Variants in NCOA3 observed in about 807,000 individuals in gnomAD.
NCOA3 encodes the protein CBP-interacting protein.
A neutral mutation model predicts 158.8 loss-of-function variants in NCOA3; 51 were observed. The observed-to-expected ratio is 0.32, with a 90% CI of 0.26 to 0.41. The LOEUF is 0.41. Among genes scored for constraint, NCOA3 ranks in the 10% least tolerant of loss-of-function variants. The pLI is 1.00. For missense variants in NCOA3, 1,510 were observed against 1,746.6 expected (o/e 0.86, Z 2.41); for synonymous variants, 537 against 592.4 (o/e 0.91, Z 1.36).
At chr20:47,567,235 A>G (rs1401564151) in intron 1 of NCOA3, among the ~76,000 whole-genome samples, 1 of 151,818 alleles carries the variant, frequency 6.6e-6, no homozygotes, top group Non-Finnish European at 1.5e-5. Flanking sequence ...TTTAGTAGAG[A>G]TGGAGTTTCG....
intron 2 of NCOA3, among the ~76,000 whole-genome samples, chr20:47,620,138 A>G (rs951895582): frequency 1.3e-5 from 2 of 152,012 alleles, no homozygotes; most frequent in East Asian, 3.9e-4. Context: ...TAAGAGACAG[A>G]GTCTCACTCG....
chr20:47,631,781 C>T (rs1030936329), intron 8 of NCOA3, among the ~76,000 whole-genome samples: 1 of 152,130 alleles, frequency 6.6e-6, no homozygotes, highest in Non-Finnish European at 1.5e-5. Flanking sequence ...TATTTTTTCC[C>T]TTTACACGAA....
chr20:47,642,659 C>T (rs1208380035), intron 17 of NCOA3, among the ~76,000 whole-genome samples: 1 of 152,194 alleles, frequency 6.6e-6, no homozygotes, highest in East Asian at 1.9e-4. Context: ...AGCTACTGTA[C>T]TGTTCTTAAA....
rs1317385347 is a variant in NCOA3 at position 47,515,475 on chromosome 20, T to TC, written c.-99+13456_-99+13457insC. Reference sequence around the variant, plus strand: ...CACCCGAGCTTTTTCTTTCTTTCTTTTTTTTTTTTTTTTTTCTTTTTTTTA... The same window carrying TC: ...CACCCGAGCTTTTTCTTTCTTTCTTTCTTTTTTTTTTTTTTTCTTTTTTTTA... On this transcript the variant is annotated intron_variant, in intron 1 of 22. Transcript: ENST00000371998. Among the ~76,000 whole-genome samples, 499 of 149,760 alleles carry TC rather than the reference T, an allele frequency of 3.3e-3. 6 individuals carry two copies. The highest frequency in any genetic ancestry group is 0.012 in the African/African-American group (475 of 40,994).
intron 1 of NCOA3, among the ~76,000 whole-genome samples, chr20:47,525,675 A>C (rs1233660680): frequency 3.9e-4 from 27 of 69,424 alleles, no homozygotes; most frequent in Admixed American, 6.2e-4. Flanking sequence ...GACCCCCCCC[A>C]CCTCCCTCCC....
At chr20:47,607,519 A>C (rs2146270590) in intron 2 of NCOA3, among the ~76,000 whole-genome samples, 1 of 152,260 alleles carries the variant, frequency 6.6e-6, no homozygotes, top group South Asian at 2.1e-4. Flanking sequence ...GATGATATTT[A>C]AGTCTGAATT....
rs115928357 is a variant in NCOA3 at position 47,507,559 on chromosome 20, T to C, written c.-99+5540T>C. Among the ~76,000 whole-genome samples the C allele has an allele frequency of 9.4e-4, 143 of 152,280 alleles. 1 individual carries two copies. The highest frequency in any genetic ancestry group is 3.3e-3 in the African/African-American group (138 of 41,570). On this transcript the variant is annotated intron_variant, in intron 1 of 22. Coordinates refer to ENST00000371998, the MANE Select transcript of NCOA3 (RefSeq NM_181659.3). ...TTAATTTTTTCTGTCCCCAACAACATGTATATATATTTTTAAATTTAACCC... is the reference window on the plus strand; with the variant it reads ...TTAATTTTTTCTGTCCCCAACAACACGTATATATATTTTTAAATTTAACCC...
intron 20 of NCOA3, among the ~76,000 whole-genome samples, 189 bp from the exon 21 acceptor site, chr20:47,652,217 C>G (rs1278278174): frequency 3.3e-5 from 5 of 152,012 alleles, no homozygotes; most frequent in Non-Finnish European, 4.4e-5. Flanking sequence ...GCCTGTTACT[C>G]TAGTCGTCAT....
intron 19 of NCOA3, among the ~76,000 whole-genome samples, chr20:47,649,792 G>C (rs1359184612): frequency 6.6e-6 from 1 of 152,104 alleles, no homozygotes; most frequent in Non-Finnish European, 1.5e-5. Flanking sequence ...TGTGGAAGCT[G>C]AGCTAGAATG....
At chr20:47,625,203 A>G (rs2146302754) in intron 4 of NCOA3, among the ~76,000 whole-genome samples, 178 bp from the exon 5 acceptor site, 1 of 152,314 alleles carries the variant, frequency 6.6e-6, no homozygotes, top group Middle Eastern at 3.4e-3. Context: ...CTGGGCAACT[A>G]TGAAGTTTAG....
intron 1 of NCOA3, among the ~76,000 whole-genome samples, chr20:47,572,535 C>A (rs531304629): frequency 3.3e-5 from 5 of 151,678 alleles, no homozygotes; most frequent in Non-Finnish European, 5.9e-5. Flanking sequence ...TCTAGCCCCC[C>A]CCACCTGCCT....
intron 1 of NCOA3, among the ~76,000 whole-genome samples, chr20:47,564,446 A>G (rs1199026170): frequency 3.3e-5 from 5 of 152,168 alleles, no homozygotes; most frequent in African/African-American, 9.7e-5. Flanking sequence ...TACTGGGGAT[A>G]TATTCAACAA....
intron 1 of NCOA3, among the ~76,000 whole-genome samples, chr20:47,538,256 GTTGAC>G (rs1316464958): frequency 6.6e-6 from 1 of 152,186 alleles, no homozygotes; most frequent in Non-Finnish European, 1.5e-5. Context: ...ATGATCTTTA[GTTGAC>G]TTGACACAAG....
At chr20:47,540,463 T>C (rs1235969508) in intron 1 of NCOA3, among the ~76,000 whole-genome samples, 2 of 151,724 alleles carry the variant, frequency 1.3e-5, no homozygotes, top group Admixed American at 6.6e-5. Flanking sequence ...ATCCGGCTAC[T>C]TGAGAGGCTG....
chr20:47,535,562 C>T (rs1257094761), intron 1 of NCOA3, among the ~76,000 whole-genome samples: 2 of 151,382 alleles, frequency 1.3e-5, no homozygotes, highest in African/African-American at 4.9e-5. Context: ...GGCTGGGGTG[C>T]AGTGGCGCAA....
At chr20:47,622,124 A>G in intron 2 of NCOA3, 105 bp from the exon 3 acceptor site, 1 of 593,364 alleles carries the variant, frequency 1.7e-6, no homozygotes, top group Non-Finnish European at 3.0e-6. Context: ...GTTTAGAGAA[A>G]GTAGTTCTGA....
chr20:47,599,587 T>A (rs2085823920), intron 2 of NCOA3, among the ~76,000 whole-genome samples: 1 of 152,220 alleles, frequency 6.6e-6, no homozygotes, highest in African/African-American at 2.4e-5. Context: ...TATGCAAAAC[T>A]GCTAAGAACA....
At chr20:47,550,327 T>C (rs1381603216) in intron 1 of NCOA3, among the ~76,000 whole-genome samples, 2 of 150,750 alleles carry the variant, frequency 1.3e-5, no homozygotes, top group African/African-American at 4.9e-5. Flanking sequence ...GCCTGTAATC[T>C]CAGCTACTCG....
At chr20:47,536,731 T>C (rs1046585418) in intron 1 of NCOA3, among the ~76,000 whole-genome samples, 20 of 152,044 alleles carry the variant, frequency 1.3e-4, no homozygotes, top group Admixed American at 3.9e-4. Context: ...TTTCAAGCCA[T>C]CCTCCTGCAT....
Sources: gnomAD v4.1 joint callset for allele counts (sites outside exome capture counted in the v4.1 genomes callset) on GRCh38, gnomAD v4.1.1 for gene constraint, MANE v1.5 for transcripts, NCBI Gene and HGNC (gene_info 2026-07-23, HGNC 2026-07-21) for gene names.